USP50: variants seen among roughly 807,000 people sequenced by gnomAD.
USP50 encodes ubiquitin carboxyl-terminal hydrolase 50.
In USP50, 37 loss-of-function variants were observed where a neutral mutation model predicts 39.2. The ratio of observed to expected loss-of-function variants is 0.94; its 90% CI spans 0.73 to 1.24. The LOEUF (loss-of-function observed/expected upper bound fraction) is 1.24, where lower values mean the gene tolerates loss of function less well. USP50 is among the 50% of genes most tolerant of loss of function. USP50 has a pLI of 0.00. For missense variants in USP50, 374 were observed against 398.2 expected (o/e 0.94, Z 0.52); for synonymous variants, 139 against 144.5 (o/e 0.96, Z 0.27).
downstream of USP50, among the ~76,000 whole-genome samples, chr15:50,496,346 T>G (rs555803802): frequency 2.6e-5 from 4 of 152,114 alleles, no homozygotes; most frequent in South Asian, 8.3e-4. Flanking sequence ...CCGGGCGTGG[T>G]GGTGGGCACC....
chr15:50,526,588 C>T (rs541991197), intron 6 of USP50, among the ~76,000 whole-genome samples: 2 of 152,312 alleles, frequency 1.3e-5, no homozygotes, highest in African/African-American at 2.4e-5. Flanking sequence ...TATGTACAAG[C>T]ATGTGTTAAC....
Position 50,514,617 on chromosome 15 carries a change from C to G in USP50, c.937-13780G>C, listed in dbSNP as rs192284719. On this transcript the variant is annotated intron_variant, in intron 6 of 6. Transcript: ENST00000532404. ...CGCGATCTCGGCTCACTGCAACCTCCGCCTCCTGGGTTCAAGTGATTCTTC... is the reference window on the plus strand; with the variant it reads ...CGCGATCTCGGCTCACTGCAACCTCGGCCTCCTGGGTTCAAGTGATTCTTC... 1.3e-4 allele frequency among the ~76,000 whole-genome samples: 20 copies of G among 152,022 alleles called. 1 individual carries two copies. The South Asian group carries it at 4.2e-3, about 32-fold the overall frequency.
At chr15:50,506,180 GAAC>G (rs1318442108) in intron 6 of USP50, 1 of 152,294 alleles carries the variant, frequency 6.6e-6, no homozygotes, top group Non-Finnish European at 1.5e-5. Flanking sequence ...GTAGCAGCAA[GAAC>G]AACAGGGGAA....
chr15:50,496,015 G>C, downstream of USP50: 26 of 1,614,014 alleles, frequency 1.6e-5, no homozygotes, highest in Non-Finnish European at 2.2e-5. Context: ...GTCACAAAAA[G>C]TCTAGGACAT....
At chr15:50,531,665 T>C (rs2052941616) in intron 5 of USP50, among the ~76,000 whole-genome samples, 1 of 152,160 alleles carries the variant, frequency 6.6e-6, no homozygotes, top group South Asian at 2.1e-4. Flanking sequence ...CTAAAAATGA[T>C]ACATTTTAGG....
At chr15:50,496,412 C>A (rs556632609), downstream of USP50, among the ~76,000 whole-genome samples, 1 of 144,688 alleles carries the variant, frequency 6.9e-6, no homozygotes, top group Non-Finnish European at 1.5e-5. Flanking sequence ...ACCCTGGAGG[C>A]GGAGTTTACA....
downstream of USP50, among the ~76,000 whole-genome samples, chr15:50,496,366 C>A (rs574345899): frequency 5.3e-5 from 8 of 151,494 alleles, no homozygotes; most frequent in African/African-American, 1.2e-4. Flanking sequence ...CTGTAGTCCC[C>A]GCTACTCAGG....
At chr15:50,517,029 A>G (rs2052809135) in intron 6 of USP50, among the ~76,000 whole-genome samples, 1 of 152,196 alleles carries the variant, frequency 6.6e-6, no homozygotes, top group Non-Finnish European at 1.5e-5. Flanking sequence ...AAATACAGAA[A>G]CATTGGACTT....
intron 6 of USP50, chr15:50,501,729 AAGG>A (rs1441676993): frequency 6.6e-6 from 1 of 152,104 alleles, no homozygotes; most frequent in African/African-American, 2.4e-5. Context: ...GTGTACTTCC[AAGG>A]AGGTGTTATG....
chr15:50,517,677 C>T (rs2052814303), intron 6 of USP50, among the ~76,000 whole-genome samples: 1 of 152,088 alleles, frequency 6.6e-6, no homozygotes, highest in Non-Finnish European at 1.5e-5. Context: ...AAAATGGAGA[C>T]ATAACATACA....
chr15:50,508,526 T>C (rs1204575992), intron 6 of USP50: 1 of 152,160 alleles, frequency 6.6e-6, no homozygotes, highest in Non-Finnish European at 1.5e-5. Context: ...TCTTAAAGGA[T>C]AGACTGAGTG....
chr15:50,539,469 T>A (rs113614812), intron 4 of USP50, among the ~76,000 whole-genome samples: 5,217 of 150,370 alleles, frequency 0.035, 306 homozygotes, highest in African/African-American at 0.12. Flanking sequence ...CCAGGCTGAG[T>A]GCAGTGGCAC....
chr15:50,544,167 C>T (rs2141382320), intron 2 of USP50, among the ~76,000 whole-genome samples: 1 of 151,978 alleles, frequency 6.6e-6, no homozygotes, highest in East Asian at 1.9e-4. Context: ...ATGGTGAAAC[C>T]CCGTCTCTAC....
At chr15:50,526,543 G>A (rs963089756) in intron 6 of USP50, among the ~76,000 whole-genome samples, 3 of 152,194 alleles carry the variant, frequency 2.0e-5, no homozygotes, top group African/African-American at 7.2e-5. Context: ...GAAGGAACAT[G>A]TATAAGAAAA....
intron 2 of USP50, 85 bp downstream of exon 2, chr15:50,544,502 T>C (rs2053055976): frequency 7.6e-7 from 1 of 1,308,240 alleles, no homozygotes; most frequent in African/African-American, 1.5e-5. Flanking sequence ...TATCTCTTAA[T>C]AGGGATTCCA....
At chr15:50,514,673 C>A (rs530085890) in intron 6 of USP50, among the ~76,000 whole-genome samples, 1 of 151,998 alleles carries the variant, frequency 6.6e-6, no homozygotes, top group Non-Finnish European at 1.5e-5. Flanking sequence ...GGATTACAGG[C>A]GCATGCCACC....
At chr15:50,513,423 G>A (rs1196315725) in intron 6 of USP50, 2 of 151,524 alleles carry the variant, frequency 1.3e-5, no homozygotes, top group Non-Finnish European at 1.5e-5. Context: ...AAGTATGCTT[G>A]GCGCGGTAGC....
intron 6 of USP50, chr15:50,508,739 T>A: frequency 6.6e-6 from 1 of 152,096 alleles, no homozygotes; most frequent in Non-Finnish European, 1.5e-5. Context: ...GGTTCATGCC[T>A]ATAATCCCTG....
chr15:50,537,563 T>C (rs2052989303), intron 5 of USP50, among the ~76,000 whole-genome samples: 1 of 147,130 alleles, frequency 6.8e-6, no homozygotes, highest in African/African-American at 2.5e-5. Flanking sequence ...CTATTGAAAA[T>C]ATACAAGAAA....
Sources: gnomAD v4.1 joint callset for allele counts (sites outside exome capture counted in the v4.1 genomes callset) on GRCh38, gnomAD v4.1.1 for gene constraint, MANE v1.5 for transcripts, NCBI Gene and HGNC (gene_info 2026-07-23, HGNC 2026-07-21) for gene names.